Variants in GPLD1 observed in about 807,000 individuals in gnomAD.
GPLD1 encodes the protein glycosylphosphatidylinositol specific phospholipase D1, also known as phosphatidylinositol-glycan-specific phospholipase D.
Under a neutral mutation model 112.6 loss-of-function variants are expected in GPLD1, and 84 were observed. The ratio of observed to expected loss-of-function variants is 0.75; its 90% confidence interval spans 0.63 to 0.89. The LOEUF (loss-of-function observed/expected upper bound fraction) is 0.89, where lower values mean the gene tolerates loss of function less well. GPLD1 is among the 40% of genes least tolerant of loss of function. The pLI is 0.00. For synonymous variants in GPLD1, 386 were observed against 403.8 expected (o/e 0.96, Z 0.53); for missense variants, 1,044 against 1,051.5 (o/e 0.99, Z 0.10).
intron 18 of GPLD1, 52 bp downstream of exon 18, chr6:24,446,786 G>A (rs1762922954): frequency 6.3e-7 from 1 of 1,579,644 alleles, no homozygotes; most frequent in South Asian, 1.2e-5. Context: ...CTCCATAGCA[G>A]CAGGTACCTG....
At chr6:24,475,320 T>A in intron 4 of GPLD1, 89 bp from the exon 5 acceptor site, 2 of 761,952 alleles carry the variant, frequency 2.6e-6, no homozygotes, top group Non-Finnish European at 2.3e-6. Context: ...TAAATTCATT[T>A]ATGTTACTGA....
intron 1 of GPLD1, among the ~76,000 whole-genome samples, chr6:24,487,467 A>AT (rs1245923903): frequency 2.0e-5 from 3 of 152,192 alleles, no homozygotes; most frequent in Non-Finnish European, 2.9e-5. Context: ...TTGGTACTTA[A>AT]TGAAGAAGGG....
At chr6:24,479,995 G>A in intron 2 of GPLD1, 36 bp from the exon 3 acceptor site, 1 of 1,315,286 alleles carries the variant, frequency 7.6e-7, no homozygotes, top group South Asian at 1.2e-5. Flanking sequence ...TAAGGGGCAG[G>A]AGTCAACAGC....
chr6:24,460,739 A>AT lies in GPLD1; in HGVS notation c.888-341dup, dbSNP rs535822410. 7.8e-3 allele frequency among the ~76,000 whole-genome samples: 1,084 copies of AT among 139,520 alleles called. 8 individuals are homozygous for AT. The highest frequency in any genetic ancestry group is 0.022 in the African/African-American group (817 of 36,738). The allele number at this position is 139,520 out of a possible 152,430, so 91.5% of individuals were successfully genotyped here. A position where few individuals can be genotyped will look rare whatever the true frequency, so the allele number is the denominator to read the frequency against. On this transcript the variant is annotated intron_variant, in intron 11 of 24. Transcript: ENST00000230036. ...GGGAAACTGCTTTGCAAGCATACTG[A>AT]TTTTTTTTTTTTTTTTTTGAGACGG...
At chr6:24,435,579 G>GCCA (rs1762544213) in intron 22 of GPLD1, among the ~76,000 whole-genome samples, 1 of 151,488 alleles carries the variant, frequency 6.6e-6, no homozygotes, top group Non-Finnish European at 1.5e-5. Context: ...AAAATAGGTG[G>GCCA]GGTACGGTGG....
chr6:24,435,836 A>AAAAAAAAAAAAAAAATAAAAAAAAT (rs1427422814), intron 22 of GPLD1: 2 of 146,528 alleles, frequency 1.4e-5, no homozygotes, highest in Non-Finnish European at 3.0e-5. Flanking sequence ...AAAAAAAAAA[A>AAAAAAAAAAAAAAAATAAAAAAAAT]AAAAAAAAAA....
At chr6:24,458,740 A>G (rs1166048262) in intron 12 of GPLD1, among the ~76,000 whole-genome samples, 2 of 152,044 alleles carry the variant, frequency 1.3e-5, no homozygotes, top group Non-Finnish European at 2.9e-5. Context: ...GTAGCTGGGC[A>G]TGGTGGCGGG....
intron 5 of GPLD1, 64 bp from the exon 6 acceptor site, chr6:24,473,731 A>G: frequency 9.5e-7 from 1 of 1,051,300 alleles, no homozygotes; most frequent in South Asian, 1.4e-5. Context: ...TTACTTCCAC[A>G]GTCAAGCAAG....
rs1581768414 is a variant in GPLD1, at chr6:24,466,995, A to C, written c.654-56T>G. The C allele has an allele frequency of 2.1e-6, 3 of 1,462,260 alleles. No individual in the cohort carries two copies. The East Asian group carries it at 6.8e-5, about 33-fold the overall frequency. The allele number at this position is 1,462,260 out of a possible 1,614,324, so 90.6% of individuals were successfully genotyped here. ...GTTGCAGTTTGTAACAGAGAAATGA[A>C]GCAAATAATGAAGAAAAAGTTCCAT... On this transcript the variant is annotated intron_variant, in intron 8 of 24. Coordinates refer to ENST00000230036, the MANE Select transcript of GPLD1 (RefSeq NM_001503.4).
intron 7 of GPLD1, among the ~76,000 whole-genome samples, chr6:24,468,759 G>A (rs781196207): frequency 3.9e-5 from 6 of 152,222 alleles, no homozygotes; most frequent in Non-Finnish European, 8.8e-5. Flanking sequence ...TGCGACCCTG[G>A]TGTCATTAGC....
At chr6:24,473,099 T>TTA (rs1763883384) in intron 6 of GPLD1, 1 of 107,702 alleles carries the variant, frequency 9.3e-6, no homozygotes, top group African/African-American at 3.2e-5. Flanking sequence ...TTTTTTTTTT[T>TTA]AAGAAAAAAT....
exon 1 of GPLD1, chr6:24,494,997 A>T: frequency 3.0e-6 from 4 of 1,316,814 alleles, no homozygotes; most frequent in Non-Finnish European, 3.9e-6. Flanking sequence ...TGCCCGGGCC[A>T]TGGCGACCTG....
chr6:24,474,810 C>T (rs550159719), intron 5 of GPLD1, among the ~76,000 whole-genome samples: 103 of 152,102 alleles, frequency 6.8e-4, no homozygotes, highest in African/African-American at 2.2e-3. Context: ...CATGGTGGCA[C>T]GTGCCTGTAA....
chr6:24,442,884 T>C (rs567343858), intron 20 of GPLD1, among the ~76,000 whole-genome samples: 1 of 152,132 alleles, frequency 6.6e-6, no homozygotes, highest in Non-Finnish European at 1.5e-5. Flanking sequence ...CCTGACCTTC[T>C]ATTTTATATT....
intron 11 of GPLD1, among the ~76,000 whole-genome samples, chr6:24,461,034 C>T (rs1178943439): frequency 2.0e-5 from 3 of 152,098 alleles, no homozygotes; most frequent in South Asian, 2.1e-4. Context: ...TGAGCCATCA[C>T]GCCCAGCCAG....
At chr6:24,450,152 T>C (rs896144248) in intron 14 of GPLD1, among the ~76,000 whole-genome samples, 36 of 152,354 alleles carry the variant, frequency 2.4e-4, no homozygotes, top group African/African-American at 8.2e-4. Context: ...TTATGAGTTC[T>C]AGATTTGTAG....
At position 24,476,285 on chromosome 6, in the gene GPLD1, A is replaced by C. The variant is rs1232583190; in HGVS notation, c.233-7T>G. The C allele has an allele frequency of 2.2e-5, 31 of 1,440,810 alleles. No homozygotes were observed. Among genetic ancestry groups the C allele is most frequent in the Non-Finnish European group, 2.9e-5 (30 of 1,042,856 alleles). The allele number at this position is 1,440,810 out of a possible 1,614,324, so 89.3% of individuals were successfully genotyped here. On this transcript the variant is annotated splice_region_variant and splice_polypyrimidine_tract_variant and intron_variant, in intron 3 of 24. Coordinates refer to ENST00000230036, the MANE Select transcript of GPLD1 (RefSeq NM_001503.4). ...GACACATCATGGAATTTTCCTGACAAAACAAAAGCAGGGCTCTAGATTCTC... is the reference window on the plus strand; with the variant it reads ...GACACATCATGGAATTTTCCTGACACAACAAAAGCAGGGCTCTAGATTCTC...
chr6:24,436,835 A>T, intron 21 of GPLD1, 99 bp from the exon 22 acceptor site: 1 of 1,164,850 alleles, frequency 8.6e-7, no homozygotes, highest in Non-Finnish European at 1.2e-6. Context: ...CTTACAAATA[A>T]TATTAGTATC....
chr6:24,454,283 C>G, intron 13 of GPLD1, 82 bp from the exon 14 acceptor site: 1 of 966,508 alleles, frequency 1.0e-6, no homozygotes. Flanking sequence ...CTTTCTAGAG[C>G]CCAGTCCATT....
Sources: allele counts gnomAD v4.1 joint callset (sites outside exome capture counted in the v4.1 genomes callset), GRCh38; gene constraint gnomAD v4.1.1; transcripts MANE v1.5; gene names NCBI Gene and HGNC (gene_info 2026-07-23, HGNC 2026-07-21).